SGCZ: variants seen among roughly 807,000 people sequenced by gnomAD.
SGCZ encodes zeta-sarcoglycan.
Under a neutral mutation model 41.3 loss-of-function variants are expected in SGCZ, and 40 were observed. That is an observed-to-expected ratio of 0.97 (90% CI 0.75 to 1.26). The LOEUF is 1.26. Among genes scored for constraint, SGCZ ranks in the 50% most tolerant of loss-of-function variants. The probability of loss-of-function intolerance (pLI) is 0.00; values close to 1 mark genes in which losing one functional copy is unlikely to be tolerated. For missense variants in SGCZ, 552 were observed against 369.8 expected, an observed-to-expected ratio of 1.49 and a Z score of -4.04; for synonymous variants, 206 against 137.5, an observed-to-expected ratio of 1.50 and a Z score of -3.49.
At chr8:14,692,407 A>G (rs1808828094) in intron 1 of SGCZ, among the ~76,000 whole-genome samples, 1 of 152,098 alleles carries the variant, frequency 6.6e-6, no homozygotes, top group Non-Finnish European at 1.5e-5. Flanking sequence ...AGAGAAGTTT[A>G]TTTTATATAC....
At chr8:14,101,498 A>G (rs7004038) in intron 7 of SGCZ, among the ~76,000 whole-genome samples, 3,125 of 152,034 alleles carry the variant, frequency 0.021, 135 homozygotes, top group African/African-American at 0.073. Flanking sequence ...TAGTGGAAAA[A>G]TAGAACATCA....
chr8:14,502,781 A>G (rs568953474), intron 2 of SGCZ, among the ~76,000 whole-genome samples: 1 of 152,350 alleles, frequency 6.6e-6, no homozygotes, highest in Admixed American at 6.5e-5. Context: ...AACGGCAATC[A>G]TTAAAAAGTC....
chr8:14,558,682 G>C (rs1178194844), intron 1 of SGCZ, among the ~76,000 whole-genome samples: 1 of 150,286 alleles, frequency 6.7e-6, no homozygotes, highest in East Asian at 2.0e-4. Context: ...ACATAACAAT[G>C]ACAACAAAAA....
intron 1 of SGCZ, among the ~76,000 whole-genome samples, chr8:15,001,505 G>A (rs180687651): frequency 0.012 from 1,761 of 152,170 alleles, 16 homozygotes; most frequent in Middle Eastern, 0.034. Context: ...CAAGGCGGGC[G>A]GATCACGAGG....
At chr8:14,343,851 G>A (rs1380261486) in intron 2 of SGCZ, among the ~76,000 whole-genome samples, 1 of 151,784 alleles carries the variant, frequency 6.6e-6, no homozygotes, top group Non-Finnish European at 1.5e-5. Context: ...AGTTTATTCA[G>A]AAACACCTAT....
intron 1 of SGCZ, among the ~76,000 whole-genome samples, chr8:15,123,513 C>G (rs1193607255): frequency 6.6e-6 from 1 of 152,182 alleles, no homozygotes; most frequent in Non-Finnish European, 1.5e-5. Flanking sequence ...CAGACACATT[C>G]ATTTTACAGT....
At chr8:15,142,085 C>T (rs1798903300) in intron 1 of SGCZ, among the ~76,000 whole-genome samples, 1 of 152,084 alleles carries the variant, frequency 6.6e-6, no homozygotes, top group Non-Finnish European at 1.5e-5. Context: ...GAAGAGAGGA[C>T]CTTGATGCTG....
At chr8:14,380,736 C>T (rs1804331046) in intron 2 of SGCZ, among the ~76,000 whole-genome samples, 1 of 152,060 alleles carries the variant, frequency 6.6e-6, no homozygotes. Context: ...TCTGCAGTCC[C>T]AGCTACTCGC....
At chr8:14,849,662 G>T (rs749935549) in intron 1 of SGCZ, among the ~76,000 whole-genome samples, 6 of 152,074 alleles carry the variant, frequency 3.9e-5, no homozygotes, top group African/African-American at 1.4e-4. Flanking sequence ...CAGGCAGAGT[G>T]GTTCTGAGGA....
chr8:15,111,462 C>T (rs191410330), intron 1 of SGCZ, among the ~76,000 whole-genome samples: 8 of 152,184 alleles, frequency 5.3e-5, no homozygotes, highest in Non-Finnish European at 7.3e-5. Context: ...CCTCAAGCCA[C>T]GGGCCAAATC....
intron 1 of SGCZ, among the ~76,000 whole-genome samples, chr8:14,762,561 C>T (rs188607425): frequency 6.6e-6 from 1 of 152,254 alleles, no homozygotes; most frequent in Non-Finnish European, 1.5e-5. Flanking sequence ...TTGCTGAGAG[C>T]TTTGTTAATT....
intron 1 of SGCZ, among the ~76,000 whole-genome samples, chr8:14,718,643 C>A (rs1189049970): frequency 1.2e-5 from 1 of 84,572 alleles, no homozygotes; most frequent in African/African-American, 4.3e-5. Flanking sequence ...TATAAGTTCA[C>A]AGGAGTATGC....
intron 1 of SGCZ, among the ~76,000 whole-genome samples, chr8:14,636,035 T>A (rs1806817096): frequency 6.6e-6 from 1 of 151,856 alleles, no homozygotes; most frequent in East Asian, 1.9e-4. Flanking sequence ...AAATTAGGCC[T>A]AATTATTTTG....
At chr8:14,307,721 T>C (rs1427162940) in intron 3 of SGCZ, among the ~76,000 whole-genome samples, 12 of 152,142 alleles carry the variant, frequency 7.9e-5, no homozygotes, top group Admixed American at 7.9e-4. Flanking sequence ...AACAAAGTGG[T>C]GATTTTTTTC....
At chr8:14,863,615 AG>A (rs1265877730) in intron 1 of SGCZ, among the ~76,000 whole-genome samples, 1 of 152,202 alleles carries the variant, frequency 6.6e-6, no homozygotes, top group Non-Finnish European at 1.5e-5. Context: ...GATCGAGGTC[AG>A]GGAAATCAAC....
intron 6 of SGCZ, among the ~76,000 whole-genome samples, chr8:14,107,344 T>C (rs916439314): frequency 3.3e-5 from 5 of 152,188 alleles, no homozygotes; most frequent in African/African-American, 4.8e-5. Context: ...GAATTCCCTA[T>C]AATGTTGGAA....
At chr8:15,227,377 G>C (rs1337306868) in intron 1 of SGCZ, among the ~76,000 whole-genome samples, 1 of 152,138 alleles carries the variant, frequency 6.6e-6, no homozygotes, top group Admixed American at 6.6e-5. Context: ...TATTTTGAAA[G>C]TTAAATTCTT....
intron 1 of SGCZ, among the ~76,000 whole-genome samples, chr8:15,139,313 C>T (rs757906401): frequency 5.3e-5 from 8 of 152,114 alleles, no homozygotes; most frequent in Admixed American, 2.0e-4. Context: ...TGGGAGAGGA[C>T]GGGGTATGTC....
At chr8:14,576,891 A>G (rs540006150) in intron 1 of SGCZ, among the ~76,000 whole-genome samples, 1 of 152,334 alleles carries the variant, frequency 6.6e-6, no homozygotes, top group East Asian at 1.9e-4. Flanking sequence ...GCTATGAAGG[A>G]TGGAAAGTGA....
Sources: allele counts gnomAD v4.1 joint callset (sites outside exome capture counted in the v4.1 genomes callset), GRCh38; gene constraint gnomAD v4.1.1; transcripts MANE v1.5; gene names NCBI Gene and HGNC (gene_info 2026-07-23, HGNC 2026-07-21).